The following OTUD4 variants were observed in gnomAD, a reference collection of about 807,000 sequenced individuals.
OTUD4 encodes OTU domain-containing protein 4.
OTUD4 carries 24 observed loss-of-function variants against 130.4 expected under a neutral mutation model. The observed-to-expected ratio is 0.18, with a 90% CI of 0.13 to 0.26. OTUD4 has a LOEUF of 0.26. OTUD4 is among the 10% of genes least tolerant of loss of function. The probability of loss-of-function intolerance (pLI) is 1.00; values close to 1 mark genes in which losing one functional copy is unlikely to be tolerated. For missense variants in OTUD4, 1,031 were observed against 1,329.4 expected (o/e 0.78, Z 3.49); for synonymous variants, 420 against 472.5 (o/e 0.89, Z 1.44).
Position 145,134,555 on chromosome 4 carries a change from T to C in OTUD4, c.*2875A>G, listed in dbSNP as rs1032929107. On this transcript the variant is annotated 3_prime_UTR_variant, in exon 21 of 21. Coordinates refer to ENST00000447906, the MANE Select transcript of OTUD4 (RefSeq NM_001366057.1). Reference sequence around the variant, plus strand: ...TTGAGTCACAAAGGAAACAACACGCTGCAAGAATACAGTCTGCATTAAATA... The same window carrying C: ...TTGAGTCACAAAGGAAACAACACGCCGCAAGAATACAGTCTGCATTAAATA... 1.8e-4 allele frequency: 70 copies of C among 396,792 alleles called. No individual in the cohort carries two copies. The highest frequency in any genetic ancestry group is 2.6e-4 in the Non-Finnish European group (59 of 225,236). 24.6% of individuals were successfully genotyped at this position (396,792 alleles called of 1,614,324 possible).
intron 6 of OTUD4, 41 bp from the exon 7 acceptor site, chr4:145,159,676 G>C: frequency 6.2e-7 from 1 of 1,600,758 alleles, no homozygotes; most frequent in Non-Finnish European, 8.5e-7. Flanking sequence ...ATTAACTACA[G>C]GCAGTTTTTT....
At chr4:145,143,586 T>C in intron 16 of OTUD4, 141 bp from the exon 17 acceptor site, 1 of 610,934 alleles carries the variant, frequency 1.6e-6, no homozygotes, top group Non-Finnish European at 2.9e-6. Flanking sequence ...TTATATGTTA[T>C]TTTCAACAGG....
At chr4:145,140,234 TTG>T (rs1750495862) in intron 19 of OTUD4, among the ~76,000 whole-genome samples, 1 of 152,184 alleles carries the variant, frequency 6.6e-6, no homozygotes, top group Non-Finnish European at 1.5e-5. Context: ...ATGGCTTAGA[TTG>T]AAATTTTTAT....
chr4:145,167,528 A>C (rs1416621075), intron 3 of OTUD4, among the ~76,000 whole-genome samples: 1 of 152,228 alleles, frequency 6.6e-6, no homozygotes, highest in East Asian at 1.9e-4. Context: ...CTACATTTCT[A>C]ATTTTTATAC....
chr4:145,150,385 T>C, intron 13 of OTUD4, 128 bp downstream of exon 13: 2 of 580,718 alleles, frequency 3.4e-6, no homozygotes, highest in Non-Finnish European at 6.1e-6. Flanking sequence ...TACAAAATGC[T>C]CTTAATACTA....
Position 145,155,444 on chromosome 4 carries a change from A to G in OTUD4, c.840T>C (p.Ala280=). ...TGTCTCCAACTTCATATTGTAAGCC[A>G]GCAGCAATGGAATAATCACGTTTTT... is the stretch of plus-strand genomic sequence containing the variant. ...AQQKRDYSIA[A]GLQYEVGDKC... The change falls in exon 10 of 21, where the codon GCT becomes GCC. Residue 280 remains alanine, a synonymous_variant. Coordinates refer to ENST00000447906, the MANE Select transcript of OTUD4 (RefSeq NM_001366057.1). 6.2e-7 allele frequency: 1 copy of G among 1,611,988 alleles called. No individual in the cohort carries two copies. The highest frequency in any genetic ancestry group is 8.5e-7 in the Non-Finnish European group (1 of 1,179,368).
In OTUD4 at chr4:145,144,084, A is replaced by C. The variant is rs137875999; in HGVS notation, c.1547-83T>G. On this transcript the variant is annotated intron_variant, in intron 15 of 20. Coordinates refer to ENST00000447906, the MANE Select transcript of OTUD4 (RefSeq NM_001366057.1). ...GAAGAACAAAATACGAAGATAGAAG[A>C]AGCCAAAAGTATTATTTGAACCATG... is the stretch of plus-strand genomic sequence containing the variant. The C allele has an allele frequency of 8.0e-4, 961 of 1,203,564 alleles. 5 individuals carry two copies. The East Asian group carries it at 0.02, about 25-fold the overall frequency. The allele number at this position is 1,203,564 out of a possible 1,614,324, so 74.6% of individuals were successfully genotyped here.
intron 10 of OTUD4, among the ~76,000 whole-genome samples, chr4:145,153,267 G>A (rs1212212558): frequency 1.3e-5 from 2 of 152,100 alleles, no homozygotes; most frequent in Non-Finnish European, 2.9e-5. Flanking sequence ...AACAAAACAG[G>A]CAGCAGGTCC....
At position 145,150,688 on chromosome 4, in the gene OTUD4, T is replaced by G. The variant is rs1227161517; in HGVS notation, c.1084A>C (p.Arg362=). Residue 362 remains arginine, a synonymous_variant, in exon 13 of 21, where the codon AGA becomes CGA. Coordinates refer to ENST00000447906, the MANE Select transcript of OTUD4 (RefSeq NM_001366057.1). ...GGCTTGCTTGGATTCTTTGGCCCTC[T>G]GTAATCCACATCTGTTGTAAGAACC... ...GQNFHSDVDY[R]GPKNPSKPIK... is the part of the protein sequence containing the mutation. The G allele has an allele frequency of 1.2e-6, 2 of 1,608,412 alleles. No homozygotes were observed. Among genetic ancestry groups the G allele is most frequent in the African/African-American group, 2.7e-5 (2 of 74,844 alleles).
intron 10 of OTUD4, among the ~76,000 whole-genome samples, chr4:145,154,394 A>G (rs939685503): frequency 3.9e-5 from 6 of 152,260 alleles, no homozygotes; most frequent in African/African-American, 1.4e-4. Flanking sequence ...ATGACTTCAC[A>G]TAAACCAATT....
Position 145,180,027 on chromosome 4 carries a change from G to A in OTUD4, c.-54C>T. ...GGCGAGGGCTAGCCCCACATGGCCA[G>A]GCCGCCGGCTGCTCGACGCCCCGGC... On this transcript the variant is annotated 5_prime_UTR_variant, in exon 1 of 21. Transcript: ENST00000447906. 10 of 1,293,808 alleles carry A rather than the reference G, an allele frequency of 7.7e-6. No homozygotes were observed. The highest frequency in any genetic ancestry group is 9.8e-6 in the Non-Finnish European group (10 of 1,025,504). The allele number at this position is 1,293,808 out of a possible 1,614,324, so 80.1% of individuals were successfully genotyped here.
chr4:145,160,001 A>C (rs1038305729), intron 6 of OTUD4, among the ~76,000 whole-genome samples: 2 of 152,240 alleles, frequency 1.3e-5, no homozygotes, highest in African/African-American at 4.8e-5. Context: ...ATATATCCTT[A>C]CGTTTAATTC....
At chr4:145,175,941 A>T (rs966312672) in intron 1 of OTUD4, among the ~76,000 whole-genome samples, 2 of 148,840 alleles carry the variant, frequency 1.3e-5, no homozygotes, top group Admixed American at 6.6e-5. Context: ...ATCTCAGCTC[A>T]CCGCAACCTC....
rs1172282725 is a variant in OTUD4 at position 145,180,389 on chromosome 4, C to T, written c.-416G>A. Among the ~76,000 whole-genome samples the T allele has an allele frequency of 2.0e-5, 3 of 152,186 alleles. No individual in the cohort carries two copies. The highest frequency in any genetic ancestry group is 4.4e-5 in the Non-Finnish European group (3 of 68,012). On this transcript the variant is annotated 5_prime_UTR_variant, in exon 1 of 21. Transcript: ENST00000447906. The stretch of plus-strand genomic sequence containing the variant: ...CCCTGGCGCGCACGCTGGGCCGGCT[C>T]AGGTGAAGCGGGGCCTGCGCCCCCG...
chr4:145,178,439 T>C (rs1005046652), intron 1 of OTUD4: 2 of 152,270 alleles, frequency 1.3e-5, no homozygotes, highest in Non-Finnish European at 2.9e-5. Flanking sequence ...CCTAGGCTTC[T>C]GGAGGTGCTG....
intron 4 of OTUD4, 100 bp downstream of exon 4, chr4:145,165,051 A>G (rs1416188018): frequency 6.7e-6 from 4 of 597,232 alleles, no homozygotes; most frequent in African/African-American, 3.7e-5. Context: ...CTTCATAACT[A>G]AAGTATAAAA....
intron 3 of OTUD4, among the ~76,000 whole-genome samples, chr4:145,167,098 A>C (rs1579282636): frequency 6.6e-6 from 1 of 152,102 alleles, no homozygotes; most frequent in African/African-American, 2.4e-5. Flanking sequence ...AAAATGAAGA[A>C]TTTTCACCCT....
In OTUD4 at chr4:145,159,496, T is replaced by C. The variant is rs1751452879; in HGVS notation, c.629+7A>G. 3.1e-6 allele frequency: 5 copies of C among 1,613,240 alleles called. No individual in the cohort carries two copies. Among genetic ancestry groups the C allele is most frequent in the East Asian group, 4.5e-5 (2 of 44,758 alleles). ...CTAAGAAAGGTATTTTAGGATTTCA[T>C]TCTTACTTGCAACTGTCATCCTCTG... On this transcript the variant is annotated splice_region_variant and intron_variant, in intron 7 of 20. Coordinates refer to ENST00000447906, the MANE Select transcript of OTUD4 (RefSeq NM_001366057.1).
At chr4:145,168,659 G>C (rs765815327) in intron 3 of OTUD4, among the ~76,000 whole-genome samples, 1 of 152,174 alleles carries the variant, frequency 6.6e-6, no homozygotes, top group Admixed American at 6.5e-5. Flanking sequence ...AAATCACAAA[G>C]AGTGCTGGCA....
Sources: allele counts gnomAD v4.1 joint callset (sites outside exome capture counted in the v4.1 genomes callset), GRCh38; gene constraint gnomAD v4.1.1; transcripts MANE v1.5; gene names NCBI Gene and HGNC (gene_info 2026-07-23, HGNC 2026-07-21).